Variants in PPP3CB observed in about 807,000 individuals in gnomAD.
The protein encoded by PPP3CB is serine/threonine-protein phosphatase 2B catalytic subunit beta isoform.
In PPP3CB, 8 loss-of-function variants were observed where a neutral mutation model predicts 66.4. That is an observed-to-expected ratio of 0.12 (90% CI 0.07 to 0.22). The LOEUF is 0.22. Among genes scored for constraint, PPP3CB ranks in the 10% least tolerant of loss-of-function variants. The pLI, the probability that PPP3CB is intolerant of heterozygous loss-of-function variation, is 1.00. For synonymous variants in PPP3CB, 208 were observed against 221.2 expected (o/e 0.94, Z 0.53); for missense variants, 319 against 642.5 (o/e 0.50, Z 5.44).
intron 1 of PPP3CB, among the ~76,000 whole-genome samples, chr10:73,480,000 A>G (rs2056848185): frequency 6.6e-6 from 1 of 152,142 alleles, no homozygotes. Flanking sequence ...CATCTCAAAA[A>G]AAACCCCACA....
chr10:73,485,908 T>TTGTGTGTGTGTGTGTGTGTG (rs57190155), intron 1 of PPP3CB, among the ~76,000 whole-genome samples: 2 of 121,290 alleles, frequency 1.6e-5, no homozygotes, highest in East Asian at 6.5e-4. Context: ...ACCTGGCTAA[T>TTGTGTGTGTGTGTGTGTGTG]TGTGTGTGTG....
chr10:73,468,132 A>G (rs2056647390), intron 8 of PPP3CB, among the ~76,000 whole-genome samples: 1 of 152,194 alleles, frequency 6.6e-6, no homozygotes, highest in East Asian at 1.9e-4. Context: ...AATAAAGCAA[A>G]CAAAAAAATC....
chr10:73,443,330 A>G (rs549223918), intron 12 of PPP3CB, among the ~76,000 whole-genome samples: 9 of 138,122 alleles, frequency 6.5e-5, no homozygotes, highest in Admixed American at 1.4e-4. Flanking sequence ...GAAAGAAAGA[A>G]AAAGAAAGAG....
intron 1 of PPP3CB, among the ~76,000 whole-genome samples, chr10:73,484,075 G>T (rs560305536): frequency 6.6e-6 from 1 of 152,062 alleles, no homozygotes; most frequent in Non-Finnish European, 1.5e-5. Flanking sequence ...CTGGTGGGGT[G>T]GAGGTTGTAG....
chr10:73,481,248 G>T (rs1051917053), intron 1 of PPP3CB, among the ~76,000 whole-genome samples: 1 of 150,850 alleles, frequency 6.6e-6, no homozygotes, highest in Non-Finnish European at 1.5e-5. Flanking sequence ...AAGGCCAGTG[G>T]ATCACTTGAA....
chr10:73,473,334 A>C (rs1308734470), intron 4 of PPP3CB, among the ~76,000 whole-genome samples: 1 of 152,156 alleles, frequency 6.6e-6, no homozygotes, highest in East Asian at 1.9e-4. Context: ...ACTCTACTTA[A>C]TACAGTCATA....
chr10:73,457,238 C>A (rs916359891), intron 9 of PPP3CB, among the ~76,000 whole-genome samples: 2 of 48,272 alleles, frequency 4.1e-5, no homozygotes, highest in African/African-American at 7.7e-5. Context: ...CTAGGCAACA[C>A]AAAGATCCCA....
intron 10 of PPP3CB, among the ~76,000 whole-genome samples, chr10:73,449,106 A>C (rs1033983720): frequency 1.3e-5 from 2 of 152,244 alleles, no homozygotes; most frequent in Admixed American, 1.3e-4. Context: ...GTAAAAGGTA[A>C]TGACACAAAT....
intron 1 of PPP3CB, among the ~76,000 whole-genome samples, chr10:73,486,680 C>A (rs187825471): frequency 6.6e-6 from 1 of 152,238 alleles, no homozygotes; most frequent in African/African-American, 2.4e-5. Context: ...TCCTGAAGGA[C>A]AACACTTATC....
At position 73,479,336 on chromosome 10, in the gene PPP3CB, T is replaced by C. The variant is rs1260286948; in HGVS notation, c.267A>G (p.Glu89=). The change falls in exon 2 of 14, where the codon GAA becomes GAG. Residue 89 remains glutamate (E), a synonymous_variant. Coordinates refer to ENST00000360663, the MANE Select transcript of PPP3CB (RefSeq NM_021132.4). The stretch of plus-strand genomic sequence containing the variant: ...GCTTACCTGTGATTGGAGCTTCTAC[T>C]TCTATCATGGTTTTCTCTCTCCGAA... ...AILRREKTMI[E]VEAPITVCGD... 1 of 1,614,086 alleles carries C rather than the reference T, an allele frequency of 6.2e-7. No individual in the cohort carries two copies. The highest frequency in any genetic ancestry group is 1.1e-5 in the South Asian group (1 of 91,072).
chr10:73,464,145 G>T (rs2056577999), intron 9 of PPP3CB, among the ~76,000 whole-genome samples: 1 of 152,002 alleles, frequency 6.6e-6, no homozygotes, highest in Non-Finnish European at 1.5e-5. Context: ...GGCCAGGTGG[G>T]TCTTGAACTC....
intron 8 of PPP3CB, 72 bp downstream of exon 8, chr10:73,470,615 T>G (rs2056687814): frequency 1.1e-6 from 1 of 952,288 alleles, no homozygotes; most frequent in Non-Finnish European, 1.5e-6. Flanking sequence ...AACACCCCTT[T>G]TTTATTATAT....
At chr10:73,480,818 T>C (rs1266402809) in intron 1 of PPP3CB, among the ~76,000 whole-genome samples, 7 of 152,196 alleles carry the variant, frequency 4.6e-5, no homozygotes, top group Non-Finnish European at 8.8e-5. Context: ...CCGCAGTACA[T>C]ATTTATGATT....
At chr10:73,457,007 C>G (rs1310032264) in intron 9 of PPP3CB, among the ~76,000 whole-genome samples, 3 of 151,818 alleles carry the variant, frequency 2.0e-5, no homozygotes, top group Non-Finnish European at 4.4e-5. Flanking sequence ...GAATTGTATG[C>G]TTTAAATAGA....
chr10:73,439,481 G>GA (rs529044341), intron 13 of PPP3CB, among the ~76,000 whole-genome samples: 1 of 151,880 alleles, frequency 6.6e-6, no homozygotes, highest in Non-Finnish European at 1.5e-5. Context: ...TTCACTTAGG[G>GA]AAAAAAAATC....
chr10:73,493,390 G>A (rs983235734), intron 1 of PPP3CB, among the ~76,000 whole-genome samples: 10 of 152,134 alleles, frequency 6.6e-5, no homozygotes, highest in Non-Finnish European at 1.3e-4. Flanking sequence ...CCACCACATT[G>A]TGGACTTAAA....
intron 10 of PPP3CB, among the ~76,000 whole-genome samples, chr10:73,452,232 C>T (rs1240820151): frequency 6.6e-6 from 1 of 152,196 alleles, no homozygotes. Flanking sequence ...ATACCTACAA[C>T]ATTATGAAGT....
intron 9 of PPP3CB, among the ~76,000 whole-genome samples, chr10:73,459,521 T>C (rs971648494): frequency 6.6e-6 from 1 of 152,230 alleles, no homozygotes; most frequent in African/African-American, 2.4e-5. Flanking sequence ...TGCACATGCA[T>C]ATTCTTCGCA....
chr10:73,474,147 A>G (rs964143896), intron 4 of PPP3CB, among the ~76,000 whole-genome samples: 2 of 151,948 alleles, frequency 1.3e-5, no homozygotes, highest in African/African-American at 4.8e-5. Flanking sequence ...GGTTCAAGTG[A>G]TTCTCCTGCC....
Sources: gnomAD v4.1 joint callset for allele counts (sites outside exome capture counted in the v4.1 genomes callset) on GRCh38, gnomAD v4.1.1 for gene constraint, MANE v1.5 for transcripts, NCBI Gene and HGNC (gene_info 2026-07-23, HGNC 2026-07-21) for gene names.